TMTC2: variants seen among roughly 807,000 people sequenced by gnomAD.
TMTC2 encodes the protein protein O-mannosyl-transferase TMTC2.
Under a neutral mutation model 82.4 loss-of-function variants are expected in TMTC2, and 43 were observed. That is an observed-to-expected ratio of 0.52 (90% confidence interval 0.41 to 0.67). The LOEUF (loss-of-function observed/expected upper bound fraction) is 0.67. Among genes scored for constraint, TMTC2 ranks in the 30% least tolerant of loss-of-function variants. The pLI, the probability that TMTC2 is intolerant of heterozygous loss-of-function variation, is 0.00. For synonymous variants in TMTC2, 408 were observed against 381.9 expected (o/e 1.07, Z -0.80); for missense variants, 919 against 1,012.4 (o/e 0.91, Z 1.25).
intron 11 of TMTC2, among the ~76,000 whole-genome samples, chr12:83,076,678 C>T (rs935257224): frequency 6.6e-6 from 1 of 152,208 alleles, no homozygotes; most frequent in Non-Finnish European, 1.5e-5. Flanking sequence ...AGCCAGCTTC[C>T]TCCGTTTCTA....
intron 8 of TMTC2, among the ~76,000 whole-genome samples, chr12:83,015,602 A>G (rs1880641101): frequency 6.6e-6 from 1 of 152,190 alleles, no homozygotes; most frequent in South Asian, 2.1e-4. Context: ...AATTGTCTAT[A>G]TAGAGGCAAA....
intron 11 of TMTC2, among the ~76,000 whole-genome samples, chr12:83,110,916 A>G (rs1292281871): frequency 1.3e-5 from 2 of 152,182 alleles, no homozygotes; most frequent in African/African-American, 4.8e-5. Flanking sequence ...CATCTGCCCA[A>G]TGCCTGCTTA....
chr12:82,792,632 A>G (rs1878525560), intron 1 of TMTC2, among the ~76,000 whole-genome samples: 2 of 151,710 alleles, frequency 1.3e-5, no homozygotes, highest in Admixed American at 6.6e-5. Flanking sequence ...ACACCCAGCT[A>G]TTTTTTATTT....
rs994934828 is a variant in TMTC2, at chr12:82,983,652, G to A, written c.1949-2273G>A. 3.9e-5 allele frequency among the ~76,000 whole-genome samples: 6 copies of A among 151,956 alleles called. No homozygotes were observed. In the South Asian group the frequency reaches 1.0e-3, roughly 26 times the overall value. ...AATCAATTAAATTTTTATATGAAAA[G>A]TAGAAGCTATATTAAATACAATGGT... On this transcript the variant is annotated intron_variant, in intron 7 of 11. Transcript: ENST00000321196.
At chr12:82,908,160 A>G (rs1409975813) in intron 3 of TMTC2, among the ~76,000 whole-genome samples, 1 of 152,166 alleles carries the variant, frequency 6.6e-6, no homozygotes, top group Non-Finnish European at 1.5e-5. Flanking sequence ...TATTAAATAT[A>G]TATGAAATAT....
chr12:83,132,273 G>A lies in TMTC2; in HGVS notation c.2395G>A (p.Glu799Lys), dbSNP rs573420920. The change falls in exon 12 of 12, where the codon GAG becomes AAG. Residue 799 changes from glutamate to lysine, a missense_variant. Physicochemically the swap from Glu to Lys is moderately conservative, Grantham distance 56 (BLOSUM62 1). Coordinates refer to ENST00000321196, the MANE Select transcript of TMTC2 (RefSeq NM_152588.3). ...CCTCAATGGCAGACTCCAGAAGGCC[G>A]AGGCCAACTACCTGCGGGCCCTGCA... ...LHLNGRLQKAEANYLRALQLK... is the reference protein window; with the variant it reads ...LHLNGRLQKAKANYLRALQLK... 32 of 1,613,906 alleles carry A rather than the reference G, an allele frequency of 2.0e-5. No individual in the cohort carries two copies. The highest frequency in any genetic ancestry group is 1.7e-4 in the Middle Eastern group (1 of 6,060).
At chr12:83,040,641 T>A (rs1435761771) in intron 9 of TMTC2, among the ~76,000 whole-genome samples, 1 of 151,356 alleles carries the variant, frequency 6.6e-6, no homozygotes, top group Non-Finnish European at 1.5e-5. Context: ...GTGCTTCACC[T>A]AGGAAGGCTG....
chr12:83,043,018 C>T (rs768653475), intron 9 of TMTC2, among the ~76,000 whole-genome samples: 3 of 152,048 alleles, frequency 2.0e-5, no homozygotes, highest in Non-Finnish European at 4.4e-5. Context: ...GCCTGTCTCA[C>T]GAAAACCAGC....
At chr12:83,015,859 G>T (rs1197900914) in intron 8 of TMTC2, among the ~76,000 whole-genome samples, 1 of 152,188 alleles carries the variant, frequency 6.6e-6, no homozygotes, top group Non-Finnish European at 1.5e-5. Flanking sequence ...ATACAGACTT[G>T]TTCTGCTGGT....
chr12:83,104,301 G>C (rs1169811387), intron 11 of TMTC2, among the ~76,000 whole-genome samples: 1 of 152,182 alleles, frequency 6.6e-6, no homozygotes, highest in Non-Finnish European at 1.5e-5. Flanking sequence ...CCCCGTGGGG[G>C]GTTCTATGTG....
At position 83,133,537 on chromosome 12, in the gene TMTC2, G is replaced by C. The variant is rs1193722636; in HGVS notation, c.*1148G>C. On this transcript the variant is annotated 3_prime_UTR_variant, in exon 12 of 12. Transcript: ENST00000321196. ...ACAACTTATTTGAAGCTGCAATAGAGTGTAGCATTAGCCTGCATGTTTCTA... is the reference window on the plus strand; with the variant it reads ...ACAACTTATTTGAAGCTGCAATAGACTGTAGCATTAGCCTGCATGTTTCTA... The C allele has an allele frequency of 6.6e-6, 1 of 152,216 alleles. No individual in the cohort carries two copies. Among genetic ancestry groups the C allele is most frequent in the Non-Finnish European group, 1.5e-5 (1 of 68,040 alleles). The allele number at this position is 152,216 out of a possible 1,614,324, so 9.4% of individuals were successfully genotyped here. A position where few individuals can be genotyped will look rare whatever the true frequency, so the allele number is the denominator to read the frequency against.
chr12:82,689,333 A>G (rs1298195612), intron 1 of TMTC2, among the ~76,000 whole-genome samples: 6 of 151,944 alleles, frequency 3.9e-5, no homozygotes, highest in Admixed American at 3.9e-4. Flanking sequence ...TAATAATGCA[A>G]CTTGATGGGT....
At chr12:82,890,148 A>G (rs537322732) in intron 2 of TMTC2, among the ~76,000 whole-genome samples, 32 of 152,186 alleles carry the variant, frequency 2.1e-4, no homozygotes, top group African/African-American at 7.5e-4. Context: ...CATTTGTTTC[A>G]CTTTAATCTT....
chr12:82,928,983 T>C (rs1875871813), intron 3 of TMTC2, among the ~76,000 whole-genome samples: 1 of 152,226 alleles, frequency 6.6e-6, no homozygotes, highest in South Asian at 2.1e-4. Flanking sequence ...TTGTAAATTG[T>C]AAAGAGTATC....
chr12:82,985,371 A>G (rs1049923793), intron 7 of TMTC2, among the ~76,000 whole-genome samples: 5 of 152,168 alleles, frequency 3.3e-5, no homozygotes, highest in African/African-American at 1.2e-4. Flanking sequence ...TTGTTAACAT[A>G]TAAAATTCAA....
At chr12:82,837,320 T>A (rs1230454519) in intron 1 of TMTC2, among the ~76,000 whole-genome samples, 3 of 152,122 alleles carry the variant, frequency 2.0e-5, no homozygotes, top group Non-Finnish European at 4.4e-5. Flanking sequence ...AATAAATGTG[T>A]ACAATGGCTG....
chr12:82,710,096 A>T (rs1003792154), intron 1 of TMTC2, among the ~76,000 whole-genome samples: 1 of 152,150 alleles, frequency 6.6e-6, no homozygotes, highest in Non-Finnish European at 1.5e-5. Flanking sequence ...ACTTTATGGG[A>T]GTAATAGGAA....
intron 1 of TMTC2, among the ~76,000 whole-genome samples, chr12:82,804,855 T>C (rs893823588): frequency 1.3e-5 from 2 of 152,106 alleles, no homozygotes; most frequent in African/African-American, 4.8e-5. Flanking sequence ...ACATGGGCCC[T>C]ACGTAAACAC....
chr12:82,950,448 G>A (rs766978917), intron 4 of TMTC2, among the ~76,000 whole-genome samples: 24 of 152,172 alleles, frequency 1.6e-4, no homozygotes, highest in Non-Finnish European at 2.5e-4. Context: ...AATATACAAT[G>A]TAGTTCTCCG....
Sources: gnomAD v4.1 joint callset for allele counts (sites outside exome capture counted in the v4.1 genomes callset) on GRCh38, gnomAD v4.1.1 for gene constraint, MANE v1.5 for transcripts, NCBI Gene and HGNC (gene_info 2026-07-23, HGNC 2026-07-21) for gene names.